The following LRRC4C variants were observed in gnomAD, a reference collection of about 807,000 sequenced individuals.
LRRC4C encodes leucine rich repeat containing 4C, also known as leucine-rich repeat-containing protein 4C.
LRRC4C carries 5 observed loss-of-function variants against 33.6 expected under a neutral mutation model. That is an observed-to-expected ratio of 0.15 (90% CI 0.08 to 0.31). The LOEUF (loss-of-function observed/expected upper bound fraction) is 0.31, where lower values mean the gene tolerates loss of function less well. LRRC4C is among the 10% of genes least tolerant of loss of function. The pLI is 1.00. For synonymous variants in LRRC4C, 329 were observed against 302.0 expected, an observed-to-expected ratio of 1.09 and a Z score of -0.93; for missense variants, 560 against 796.7, an observed-to-expected ratio of 0.70 and a Z score of 3.58.
chr11:40,487,003 G>C (rs770665607), intron 3 of LRRC4C, among the ~76,000 whole-genome samples: 20 of 151,872 alleles, frequency 1.3e-4, no homozygotes, highest in Non-Finnish European at 8.8e-5. Context: ...TTGCAAATAG[G>C]GGAAGCCGAT....
At position 41,059,210 on chromosome 11, in the gene LRRC4C, G is replaced by GTTTTTTTTTTTTTTTTTTTTTTTTTT. The variant is rs397935483; in HGVS notation, c.-495-125488_-495-125487insAAAAAAAAAAAAAAAAAAAAAAAAAA. Among the ~76,000 whole-genome samples, 2 of 125,196 alleles carry GTTTTTTTTTTTTTTTTTTTTTTTTTT rather than the reference G, an allele frequency of 1.6e-5. 1 individual carries two copies. The highest frequency in any genetic ancestry group is 3.2e-5 in the Non-Finnish European group (2 of 61,590). The allele number at this position is 125,196 out of a possible 152,430, so 82.1% of individuals were successfully genotyped here. A position where few individuals can be genotyped will look rare whatever the true frequency, so the allele number is the denominator to read the frequency against. On this transcript the variant is annotated intron_variant, in intron 1 of 6. Coordinates refer to ENST00000528697, the MANE Select transcript of LRRC4C (RefSeq NM_001258419.2). ...ATATACTCCTGATACTAAAATAAAA[G>GTTTTTTTTTTTTTTTTTTTTTTTTTT]TTTTTTTTTTTTTTTAAGAAAAAGA...
At chr11:41,249,380 C>A (rs768788064) in intron 1 of LRRC4C, among the ~76,000 whole-genome samples, 6 of 152,134 alleles carry the variant, frequency 3.9e-5, no homozygotes, top group Admixed American at 3.9e-4. Flanking sequence ...GACTTCTAAC[C>A]ATTCTCCTTA....
chr11:41,385,792 A>AT (rs1345632893), intron 1 of LRRC4C, among the ~76,000 whole-genome samples: 13 of 151,638 alleles, frequency 8.6e-5, no homozygotes, highest in Non-Finnish European at 1.3e-4. Context: ...AATAGGGAAG[A>AT]TAGTTACCCT....
At chr11:40,717,025 G>T (rs1946760699) in intron 2 of LRRC4C, among the ~76,000 whole-genome samples, 1 of 152,110 alleles carries the variant, frequency 6.6e-6, no homozygotes, top group Admixed American at 6.6e-5. Flanking sequence ...TAGCAGTTTT[G>T]TTCTCACCCT....
intron 6 of LRRC4C, among the ~76,000 whole-genome samples, chr11:40,132,993 A>C (rs1210342110): frequency 6.6e-6 from 1 of 152,248 alleles, no homozygotes; most frequent in East Asian, 1.9e-4. Flanking sequence ...AAGTAACTAA[A>C]GAAGTGCTTT....
At chr11:40,803,291 T>C (rs1951111852) in intron 2 of LRRC4C, among the ~76,000 whole-genome samples, 1 of 152,154 alleles carries the variant, frequency 6.6e-6, no homozygotes, top group Non-Finnish European at 1.5e-5. Context: ...CCCCAAGTCA[T>C]ATCAAATGCT....
At chr11:40,796,258 C>T (rs191945571) in intron 2 of LRRC4C, among the ~76,000 whole-genome samples, 91 of 152,176 alleles carry the variant, frequency 6.0e-4, no homozygotes, top group African/African-American at 2.0e-3. Flanking sequence ...GTCTCATCTC[C>T]GAAAGAGCTT....
At chr11:41,031,360 T>A (rs976827522) in intron 1 of LRRC4C, among the ~76,000 whole-genome samples, 1 of 151,982 alleles carries the variant, frequency 6.6e-6, no homozygotes, top group South Asian at 2.1e-4. Flanking sequence ...TAATCTCTTA[T>A]GGGCACCCGG....
chr11:41,286,136 C>A (rs1949822112), intron 1 of LRRC4C, among the ~76,000 whole-genome samples: 2 of 152,118 alleles, frequency 1.3e-5, no homozygotes, highest in African/African-American at 4.8e-5. Context: ...CCTAGTCAAT[C>A]TCTTTTTAAG....
At chr11:41,377,596 A>G (rs1172290345) in intron 1 of LRRC4C, among the ~76,000 whole-genome samples, 1 of 152,160 alleles carries the variant, frequency 6.6e-6, no homozygotes, top group Non-Finnish European at 1.5e-5. Context: ...GAATCATTTC[A>G]CAAGACAGAA....
intron 2 of LRRC4C, among the ~76,000 whole-genome samples, chr11:40,916,084 T>C (rs913826185): frequency 6.6e-6 from 1 of 152,106 alleles, no homozygotes; most frequent in African/African-American, 2.4e-5. Flanking sequence ...TAGGAACACT[T>C]TTACACTGTT....
Position 40,450,581 on chromosome 11 carries a change from C to T in LRRC4C, c.-269-130860G>A, listed in dbSNP as rs190401985. Among the ~76,000 whole-genome samples the T allele has an allele frequency of 2.0e-5, 3 of 152,116 alleles. No individual in the cohort carries two copies. The East Asian group carries it at 5.8e-4, about 29-fold the overall frequency. ...TGCATATGTAAGTAGGAGTGTACTA[C>T]TGTTTCCTTAGTGCTATAATCATTT... is the stretch of plus-strand genomic sequence containing the variant. On this transcript the variant is annotated intron_variant, in intron 3 of 6. Coordinates refer to ENST00000528697, the MANE Select transcript of LRRC4C (RefSeq NM_001258419.2).
chr11:40,857,565 A>G (rs1254206059), intron 2 of LRRC4C, among the ~76,000 whole-genome samples: 2 of 152,228 alleles, frequency 1.3e-5, no homozygotes, highest in African/African-American at 2.4e-5. Context: ...TGCAAATTTT[A>G]TTTTAAGAAT....
At chr11:40,483,267 C>T (rs776010145) in intron 3 of LRRC4C, among the ~76,000 whole-genome samples, 5 of 152,030 alleles carry the variant, frequency 3.3e-5, no homozygotes, top group Non-Finnish European at 5.9e-5. Flanking sequence ...GGGATGGGAC[C>T]CCTTGAGCTG....
At chr11:40,176,427 G>T (rs74916801) in intron 5 of LRRC4C, among the ~76,000 whole-genome samples, 1 of 151,952 alleles carries the variant, frequency 6.6e-6, no homozygotes, top group Non-Finnish European at 1.5e-5. Context: ...AAAAAATAAC[G>T]AAATGAATGA....
chr11:41,156,010 C>G (rs1393967153), intron 1 of LRRC4C, among the ~76,000 whole-genome samples: 1 of 152,062 alleles, frequency 6.6e-6, no homozygotes, highest in African/African-American at 2.4e-5. Flanking sequence ...AGGATTTTAG[C>G]ATTTTGTGAA....
At chr11:41,222,584 G>A (rs16935445) in intron 1 of LRRC4C, among the ~76,000 whole-genome samples, 1,720 of 152,120 alleles carry the variant, frequency 0.011, 29 homozygotes, top group African/African-American at 0.038. Flanking sequence ...TAAATGCTGC[G>A]GTGGAAGATC....
intron 1 of LRRC4C, among the ~76,000 whole-genome samples, chr11:41,098,900 T>A (rs1040475551): frequency 3.9e-5 from 6 of 151,984 alleles, no homozygotes; most frequent in Non-Finnish European, 4.4e-5. Context: ...ATGTAGGAGA[T>A]GGTTTTCTGA....
intron 4 of LRRC4C, among the ~76,000 whole-genome samples, chr11:40,303,050 G>A (rs533279415): frequency 1.2e-4 from 18 of 152,102 alleles, no homozygotes; most frequent in Admixed American, 3.3e-4. Context: ...GAGTTTTTTC[G>A]AACGGTAAAG....
Sources: gnomAD v4.1 joint callset for allele counts (sites outside exome capture counted in the v4.1 genomes callset) on GRCh38, gnomAD v4.1.1 for gene constraint, MANE v1.5 for transcripts, NCBI Gene and HGNC (gene_info 2026-07-23, HGNC 2026-07-21) for gene names.